The following LRRC7 variants were observed in gnomAD, a reference collection of about 807,000 sequenced individuals.
The protein encoded by LRRC7 is leucine-rich repeat-containing protein 7.
In LRRC7, 23 loss-of-function variants were observed where a neutral mutation model predicts 175.7. That is an observed-to-expected ratio of 0.13 (90% CI 0.09 to 0.19). The LOEUF is 0.19. Among genes scored for constraint, LRRC7 ranks in the 10% least tolerant of loss-of-function variants. The probability of loss-of-function intolerance (pLI) is 1.00; values close to 1 mark genes in which losing one functional copy is unlikely to be tolerated. For missense variants in LRRC7, 1,354 were observed against 1,904.7 expected (o/e 0.71, Z 5.38); for synonymous variants, 685 against 680.9 (o/e 1.01, Z -0.09).
chr1:69,795,146 C>A (rs1037412673), intron 4 of LRRC7, among the ~76,000 whole-genome samples: 7 of 152,084 alleles, frequency 4.6e-5, no homozygotes, highest in Admixed American at 3.3e-4. Flanking sequence ...CTTTGAGAGG[C>A]CCGGGCCAGG....
At chr1:69,919,361 C>T in intron 7 of LRRC7, 1 of 605,788 alleles carries the variant, frequency 1.7e-6, no homozygotes, top group Non-Finnish European at 2.9e-6. Context: ...GGAAAGATGG[C>T]GGACGAGGAG....
chr1:69,779,487 A>C (rs1029369691), intron 3 of LRRC7, among the ~76,000 whole-genome samples: 1 of 152,168 alleles, frequency 6.6e-6, no homozygotes, highest in Non-Finnish European at 1.5e-5. Context: ...TTTAATGCAA[A>C]TTATTATTGA....
chr1:69,760,960 T>C (rs202159915), intron 3 of LRRC7, among the ~76,000 whole-genome samples: 2 of 149,428 alleles, frequency 1.3e-5, no homozygotes, highest in African/African-American at 2.5e-5. Flanking sequence ...TTTGTGCACA[T>C]ACACACACAC....
chr1:69,839,577 T>C (rs1294397807), intron 7 of LRRC7, among the ~76,000 whole-genome samples: 1 of 152,014 alleles, frequency 6.6e-6, no homozygotes, highest in Non-Finnish European at 1.5e-5. Flanking sequence ...CCCTGATGCT[T>C]TTGTCTGCCA....
intron 1 of LRRC7, among the ~76,000 whole-genome samples, chr1:69,576,773 T>C (rs937682212): frequency 1.3e-5 from 2 of 152,208 alleles, no homozygotes; most frequent in African/African-American, 4.8e-5. Flanking sequence ...CAGAGGCTCG[T>C]GGGTGTGATG....
intron 2 of LRRC7, among the ~76,000 whole-genome samples, chr1:69,706,168 C>A (rs559580341): frequency 3.3e-5 from 5 of 152,222 alleles, no homozygotes; most frequent in East Asian, 3.9e-4. Flanking sequence ...ACAACCTTAG[C>A]AAATATAAGT....
chr1:69,636,674 T>C (rs1446135191), intron 1 of LRRC7, among the ~76,000 whole-genome samples: 3 of 152,158 alleles, frequency 2.0e-5, no homozygotes, highest in South Asian at 2.1e-4. Context: ...TTAACCTTTC[T>C]CAGGTCAAAG....
chr1:70,114,253 A>G (rs1400978216), intron 26 of LRRC7, among the ~76,000 whole-genome samples: 3 of 152,246 alleles, frequency 2.0e-5, no homozygotes. Context: ...GTGGGGGACT[A>G]TGGAGGAATA....
At chr1:69,723,679 G>A (rs1381781023) in intron 2 of LRRC7, among the ~76,000 whole-genome samples, 1 of 152,138 alleles carries the variant, frequency 6.6e-6, no homozygotes, top group African/African-American at 2.4e-5. Flanking sequence ...CATAGACTGA[G>A]TGACTTATAA....
chr1:70,116,081 A>C (rs934733069), intron 26 of LRRC7, among the ~76,000 whole-genome samples: 3 of 152,262 alleles, frequency 2.0e-5, no homozygotes, highest in African/African-American at 7.2e-5. Context: ...GCATTCAAAA[A>C]TCAGAGCAGA....
intron 25 of LRRC7, among the ~76,000 whole-genome samples, chr1:70,106,775 C>T (rs1196888853): frequency 6.6e-6 from 1 of 152,192 alleles, no homozygotes; most frequent in East Asian, 1.9e-4. Flanking sequence ...GGCACACTCA[C>T]TTATGTGCTG....
intron 2 of LRRC7, among the ~76,000 whole-genome samples, chr1:69,696,705 G>T (rs996048763): frequency 1.3e-5 from 2 of 152,126 alleles, no homozygotes; most frequent in South Asian, 4.1e-4. Flanking sequence ...CTGTCCTCGT[G>T]ATAATGCGTG....
intron 24 of LRRC7, among the ~76,000 whole-genome samples, chr1:70,078,044 T>C (rs187371196): frequency 9.8e-5 from 15 of 152,290 alleles, no homozygotes. Context: ...TTAGATGTAT[T>C]GTACATTTCA....
chr1:69,704,198 TC>T (rs1570429672), intron 2 of LRRC7, among the ~76,000 whole-genome samples: 1 of 152,044 alleles, frequency 6.6e-6, no homozygotes, highest in East Asian at 1.9e-4. Flanking sequence ...AAGACTTTTT[TC>T]ACTTAAAACT....
At chr1:69,994,309 G>A (rs1654727144) in intron 10 of LRRC7, among the ~76,000 whole-genome samples, 1 of 152,162 alleles carries the variant, frequency 6.6e-6, no homozygotes, top group African/African-American at 2.4e-5. Flanking sequence ...TGGGGTGTAT[G>A]TGGAGCTGTA....
At chr1:69,798,693 A>T (rs535123128) in intron 4 of LRRC7, among the ~76,000 whole-genome samples, 83 of 152,234 alleles carry the variant, frequency 5.5e-4, no homozygotes, top group Non-Finnish European at 1.1e-3. Flanking sequence ...GCTCATCTCA[A>T]TCCCTTCCCA....
At chr1:69,662,928 T>C (rs1657690375) in intron 1 of LRRC7, among the ~76,000 whole-genome samples, 2 of 152,190 alleles carry the variant, frequency 1.3e-5, no homozygotes, top group African/African-American at 2.4e-5. Context: ...AACAATTTTC[T>C]CATTTCTCTT....
At chr1:70,013,122 G>A in intron 13 of LRRC7, 33 bp downstream of exon 13, 1 of 1,301,800 alleles carries the variant, frequency 7.7e-7, no homozygotes, top group Non-Finnish European at 1.1e-6. Context: ...TCACATATTA[G>A]TTATTTGCTG....
chr1:69,575,677 T>C (rs1168186626), intron 1 of LRRC7, among the ~76,000 whole-genome samples: 2 of 152,178 alleles, frequency 1.3e-5, no homozygotes, highest in Non-Finnish European at 2.9e-5. Context: ...TTGATCTTTT[T>C]AGGATAATGC....
Sources: allele counts gnomAD v4.1 joint callset (sites outside exome capture counted in the v4.1 genomes callset), GRCh38; gene constraint gnomAD v4.1.1; transcripts MANE v1.5; gene names NCBI Gene and HGNC (gene_info 2026-07-23, HGNC 2026-07-21).